KIF3C: variants seen among roughly 807,000 people sequenced by gnomAD.
The protein encoded by KIF3C is kinesin-like protein KIF3C.
Under a neutral mutation model 67.7 loss-of-function variants are expected in KIF3C, and 12 were observed. The observed-to-expected ratio is 0.18, with a 90% CI of 0.11 to 0.29. The LOEUF (loss-of-function observed/expected upper bound fraction) is 0.29, where lower values mean the gene tolerates loss of function less well. Among genes scored for constraint, KIF3C ranks in the 10% least tolerant of loss-of-function variants. The pLI is 1.00. For synonymous variants in KIF3C, 393 were observed against 426.2 expected (o/e 0.92, Z 0.96); for missense variants, 789 against 1,059.6 (o/e 0.74, Z 3.55).
rs1258463828 is a variant in KIF3C at position 25,955,779 on chromosome 2, A to G, written c.1648-116T>C. 2 of 1,229,322 alleles carry G rather than the reference A, an allele frequency of 1.6e-6. No individual in the cohort carries two copies. Among genetic ancestry groups the G allele is most frequent in the African/African-American group, 1.5e-5 (1 of 67,170 alleles). The allele number at this position is 1,229,322 out of a possible 1,614,324, so 76.2% of individuals were successfully genotyped here. The stretch of plus-strand genomic sequence containing the variant: ...TCGGGACCTGGCTTCACCATGGCCC[A>G]TGGCCCACATCCACTGCTCCCACCC... On this transcript the variant is annotated intron_variant, in intron 2 of 7. Transcript: ENST00000264712. The surrounding 1 kb of genome is among the most constrained non-coding windows in gnomAD (Gnocchi z 5.0).
intron 1 of KIF3C, among the ~76,000 whole-genome samples, chr2:25,976,162 CA>C (rs1405493552): frequency 1.3e-5 from 2 of 152,134 alleles, no homozygotes; most frequent in African/African-American, 4.8e-5. Flanking sequence ...TGGGAGAAAG[CA>C]GGACCCACAA....
intron 1 of KIF3C, among the ~76,000 whole-genome samples, chr2:25,957,145 G>A (rs1663826243): frequency 6.6e-6 from 1 of 152,172 alleles, no homozygotes; most frequent in Admixed American, 6.6e-5. Context: ...GTATCTATTA[G>A]ATGCTGAGCT....
Position 25,980,335 on chromosome 2 carries a change from G to T in KIF3C, c.1545+38C>A. On this transcript the variant is annotated intron_variant, in intron 1 of 7. Coordinates refer to ENST00000264712, the MANE Select transcript of KIF3C (RefSeq NM_002254.8). The surrounding 1 kb of genome is among the most constrained non-coding windows in gnomAD (Gnocchi z 7.6). ...AGCCTCCTTGCCGGGATCCCCTGCG[G>T]GGACATCTCGAGTGCCCAGCTCCTC... The T allele has an allele frequency of 6.5e-7, 1 of 1,534,016 alleles. No homozygotes were observed.
intron 5 of KIF3C, among the ~76,000 whole-genome samples, chr2:25,940,279 TTAC>T (rs1300898484): frequency 2.0e-5 from 3 of 152,100 alleles, no homozygotes; most frequent in African/African-American, 7.2e-5. Flanking sequence ...TTAAAAAAAC[TTAC>T]TCAAGGCCAG....
chr2:25,970,941 T>C (rs1475575237), intron 1 of KIF3C, among the ~76,000 whole-genome samples: 2 of 108,934 alleles, frequency 1.8e-5, no homozygotes, highest in Non-Finnish European at 3.4e-5. Flanking sequence ...CTGGCCAACA[T>C]GGTGAAACCC....
chr2:25,929,213 G>A lies in KIF3C; in HGVS notation c.2288+92C>T. On this transcript the variant is annotated intron_variant, in intron 7 of 7. Coordinates refer to ENST00000264712, the MANE Select transcript of KIF3C (RefSeq NM_002254.8). Reference sequence around the variant, plus strand: ...CACCCCTTGCCCTTCCTGCCCTTCGGGTACCAGCAAAACCCTCTTTAGCAT... The same window carrying A: ...CACCCCTTGCCCTTCCTGCCCTTCGAGTACCAGCAAAACCCTCTTTAGCAT... 2.7e-6 allele frequency: 4 copies of A among 1,485,572 alleles called. No individual in the cohort carries two copies. The South Asian group carries it at 4.7e-5, about 18-fold the overall frequency. The allele number at this position is 1,485,572 out of a possible 1,614,324, so 92.0% of individuals were successfully genotyped here.
intron 1 of KIF3C, among the ~76,000 whole-genome samples, chr2:25,964,049 T>C (rs1664078445): frequency 6.6e-6 from 1 of 152,152 alleles, no homozygotes; most frequent in Admixed American, 6.6e-5. Flanking sequence ...GGCTCATACC[T>C]GTAATCCCAA....
intron 5 of KIF3C, among the ~76,000 whole-genome samples, chr2:25,948,686 G>T (rs1266835336): frequency 7.4e-6 from 1 of 135,848 alleles, no homozygotes. Context: ...GAGAAAGAAA[G>T]AAAGGAAGGA....
At chr2:25,935,366 G>A (rs1180621005) in intron 5 of KIF3C, among the ~76,000 whole-genome samples, 2 of 152,028 alleles carry the variant, frequency 1.3e-5, no homozygotes, top group Non-Finnish European at 2.9e-5. Flanking sequence ...GGTATTTGCT[G>A]AAGCCTTTTT....
At chr2:25,931,939 T>C (rs2090462984) in intron 5 of KIF3C, among the ~76,000 whole-genome samples, 1 of 151,472 alleles carries the variant, frequency 6.6e-6, no homozygotes, top group African/African-American at 2.4e-5. Context: ...TGGCTGTTTT[T>C]TTTTTTTTTG....
chr2:25,949,929 C>A (rs1663551378), intron 5 of KIF3C, among the ~76,000 whole-genome samples: 1 of 151,408 alleles, frequency 6.6e-6, no homozygotes, highest in African/African-American at 2.4e-5. Flanking sequence ...CAAGATCACA[C>A]CACTGCACTC....
intron 3 of KIF3C, 141 bp from the exon 4 acceptor site, chr2:25,954,526 C>G (rs950652761): frequency 1.6e-6 from 1 of 638,850 alleles, no homozygotes; most frequent in Non-Finnish European, 2.8e-6. Context: ...CTGAACTCCC[C>G]GCTGTGCCCA....
At chr2:25,933,521 A>G (rs2149222098) in intron 5 of KIF3C, among the ~76,000 whole-genome samples, 2 of 152,026 alleles carry the variant, frequency 1.3e-5, no homozygotes, top group South Asian at 4.2e-4. Flanking sequence ...AAATACAAAA[A>G]AAAATTAGCA....
rs1209123685 is a variant in KIF3C at position 25,958,059 on chromosome 2, G to A, written c.1546-1615C>T. On this transcript the variant is annotated intron_variant, in intron 1 of 7. Transcript: ENST00000264712. The surrounding 1 kb of genome is among the most constrained non-coding windows in gnomAD (Gnocchi z 4.5). ...GCATCCTCAGCGACTCACCTGCCTC[G>A]CCTCATCCCTGCCCTGCCTCTCATC... Among the ~76,000 whole-genome samples, 2 of 152,134 alleles carry A rather than the reference G, an allele frequency of 1.3e-5. No homozygotes were observed. The highest frequency in any genetic ancestry group is 2.9e-5 in the Non-Finnish European group (2 of 68,014).
chr2:25,966,792 C>T (rs1664154208), intron 1 of KIF3C, among the ~76,000 whole-genome samples: 1 of 152,222 alleles, frequency 6.6e-6, no homozygotes, highest in Non-Finnish European at 1.5e-5. Flanking sequence ...CCGCAGGAGA[C>T]AGGAGTCTCA....
intron 1 of KIF3C, among the ~76,000 whole-genome samples, chr2:25,962,827 A>T (rs867516171): frequency 4.1e-4 from 27 of 65,410 alleles, no homozygotes; most frequent in African/African-American, 8.8e-4. Context: ...TAATATATAA[A>T]ATATATAAAA....
chr2:25,929,316 C>G lies in KIF3C; in HGVS notation c.2277G>C (p.Lys759Asn). 6.2e-7 allele frequency: 1 copy of G among 1,614,092 alleles called. No individual in the cohort carries two copies. Among genetic ancestry groups the G allele is most frequent in the Non-Finnish European group, 8.5e-7 (1 of 1,179,960 alleles). Residue 759 changes from lysine (K) to asparagine (N), a missense_variant, in exon 7 of 8, where the codon AAG becomes AAC. Coordinates refer to ENST00000264712, the MANE Select transcript of KIF3C (RefSeq NM_002254.8). ...ATGGAGGTACTGACCAGGATCTGGA[C>G]TTTCGGACTTTAGACGTGGAAGGTC... is the stretch of plus-strand genomic sequence containing the variant. Reference protein sequence around the residue: ...LERPSTSKVRKSRSWCQSPQR... With the variant: ...LERPSTSKVRNSRSWCQSPQR...
intron 1 of KIF3C, among the ~76,000 whole-genome samples, chr2:25,959,389 G>A (rs1474777553): frequency 6.6e-6 from 1 of 152,124 alleles, no homozygotes; most frequent in Non-Finnish European, 1.5e-5. Context: ...TCAGTGCTTG[G>A]CAGATAACAA....
chr2:25,971,257 G>A (rs1664277101), intron 1 of KIF3C, among the ~76,000 whole-genome samples: 1 of 140,332 alleles, frequency 7.1e-6, no homozygotes. Context: ...GGGTGACAGA[G>A]CAAGACTCTG....
Sources: allele counts gnomAD v4.1 joint callset (sites outside exome capture counted in the v4.1 genomes callset), GRCh38; gene constraint gnomAD v4.1.1; non-coding constraint Gnocchi (gnomAD v3.1); transcripts MANE v1.5; gene names NCBI Gene and HGNC (gene_info 2026-07-23, HGNC 2026-07-21).